The following MGMT variants were observed in gnomAD, a reference collection of about 807,000 sequenced individuals.
The protein encoded by MGMT is methylated-DNA--protein-cysteine methyltransferase.
A neutral mutation model predicts 15.9 loss-of-function variants in MGMT; 14 were observed. That is an observed-to-expected ratio of 0.88 (90% CI 0.58 to 1.37). MGMT has a LOEUF of 1.37. Ranked by LOEUF, MGMT falls within the 40% of genes most tolerant of loss-of-function variation. MGMT has a pLI of 0.00. For synonymous variants in MGMT, 130 were observed against 118.2 expected, an observed-to-expected ratio of 1.10 and a Z score of -0.65; for missense variants, 282 against 268.1, an observed-to-expected ratio of 1.05 and a Z score of -0.36.
At chr10:129,508,347 G>T (rs944765852) in intron 1 of MGMT, among the ~76,000 whole-genome samples, 2 of 152,124 alleles carry the variant, frequency 1.3e-5, no homozygotes, top group African/African-American at 4.8e-5. Flanking sequence ...AGGGGAAGGA[G>T]GAAGAGAGGA....
At chr10:129,564,540 A>ACTTCCTCAT (rs1250275166) in intron 2 of MGMT, among the ~76,000 whole-genome samples, 1 of 39,946 alleles carries the variant, frequency 2.5e-5, no homozygotes, top group African/African-American at 1.1e-4. Context: ...TTCCTCCTCC[A>ACTTCCTCAT]CTTCCTCATC....
chr10:129,498,531 CG>C (rs1260681805), intron 1 of MGMT, among the ~76,000 whole-genome samples: 1 of 152,170 alleles, frequency 6.6e-6, no homozygotes, highest in African/African-American at 2.4e-5. Flanking sequence ...TTCACATCAG[CG>C]TAGACTCATG....
intron 2 of MGMT, among the ~76,000 whole-genome samples, chr10:129,652,587 G>C (rs1006635793): frequency 6.6e-6 from 1 of 152,244 alleles, no homozygotes; most frequent in African/African-American, 2.4e-5. Context: ...TCGGCACTCA[G>C]AGTCCCCAGG....
chr10:129,640,813 C>T (rs2133089739), intron 2 of MGMT, among the ~76,000 whole-genome samples: 1 of 152,272 alleles, frequency 6.6e-6, no homozygotes, highest in East Asian at 1.9e-4. Flanking sequence ...TTCAGTATTT[C>T]ACAATTAATC....
intron 3 of MGMT, among the ~76,000 whole-genome samples, chr10:129,717,320 G>A (rs1284275606): frequency 6.6e-6 from 1 of 152,204 alleles, no homozygotes; most frequent in African/African-American, 2.4e-5. Flanking sequence ...GCTCTGAATA[G>A]CAGATCATCC....
chr10:129,629,264 T>C (rs1847184552), intron 2 of MGMT, among the ~76,000 whole-genome samples: 1 of 152,266 alleles, frequency 6.6e-6, no homozygotes, highest in Non-Finnish European at 1.5e-5. Flanking sequence ...CCCTTAGTAC[T>C]GCATGATTTC....
chr10:129,752,903 A>T (rs1175162045), intron 3 of MGMT, among the ~76,000 whole-genome samples: 1 of 152,166 alleles, frequency 6.6e-6, no homozygotes, highest in Non-Finnish European at 1.5e-5. Flanking sequence ...CTCTGCCTGC[A>T]TTCCTGATGT....
At chr10:129,467,351 G>A (rs1845180180) in intron 1 of MGMT, 55 bp downstream of exon 1, 14 of 1,493,204 alleles carry the variant, frequency 9.4e-6, no homozygotes, top group African/African-American at 1.4e-5. Flanking sequence ...CCCTCGGGAC[G>A]GTGGCAGCCT....
intron 2 of MGMT, among the ~76,000 whole-genome samples, chr10:129,646,754 A>ATATATATATATATATATTTTTTTTTT: frequency 6.9e-5 from 6 of 86,654 alleles, no homozygotes; most frequent in Non-Finnish European, 5.1e-5. Flanking sequence ...ATATATATAT[A>ATATATATATATATATATTTTTTTTTT]TTTTCAGGGA....
chr10:129,549,661 G>A (rs1443976717), intron 2 of MGMT, among the ~76,000 whole-genome samples: 1 of 152,142 alleles, frequency 6.6e-6, no homozygotes, highest in African/African-American at 2.4e-5. Context: ...GTGTTTGCAA[G>A]CTGGAACAGT....
chr10:129,638,429 C>CAAAA lies in MGMT; in HGVS notation c.126-69453_126-69450dup. Among the ~76,000 whole-genome samples the CAAAA allele has an allele frequency of 6.2e-3, 380 of 61,658 alleles. 7 individuals are homozygous for CAAAA. The highest frequency in any genetic ancestry group is 0.01 in the African/African-American group (193 of 19,030). 40.5% of individuals were successfully genotyped at this position (61,658 alleles called of 152,430 possible). A position where few individuals can be genotyped will look rare whatever the true frequency, so the allele number is the denominator to read the frequency against. On this transcript the variant is annotated intron_variant, in intron 2 of 4. Coordinates refer to ENST00000651593, the MANE Select transcript of MGMT (RefSeq NM_002412.5). ...GAAGTCCAAGAGAGGACCAAAGAGG[C>CAAAA]AAAAAAAAAAAAAAAAGAAAAAAAA...
intron 3 of MGMT, among the ~76,000 whole-genome samples, chr10:129,722,298 T>C (rs1848381403): frequency 6.6e-6 from 1 of 152,182 alleles, no homozygotes; most frequent in Non-Finnish European, 1.5e-5. Flanking sequence ...TATTTAACAT[T>C]AGCATTATTA....
chr10:129,586,417 A>G (rs939367201), intron 2 of MGMT, among the ~76,000 whole-genome samples: 2 of 152,172 alleles, frequency 1.3e-5, no homozygotes, highest in Non-Finnish European at 2.9e-5. Context: ...ATTTTCTAGA[A>G]TTTTGTGATG....
intron 2 of MGMT, among the ~76,000 whole-genome samples, chr10:129,539,836 G>A (rs939951996): frequency 6.6e-6 from 1 of 152,176 alleles, no homozygotes; most frequent in African/African-American, 2.4e-5. Flanking sequence ...GGTAATGTGA[G>A]TCCATGAATC....
chr10:129,744,667 G>A (rs1345926339), intron 3 of MGMT, among the ~76,000 whole-genome samples: 6 of 152,232 alleles, frequency 3.9e-5, no homozygotes, highest in Non-Finnish European at 8.8e-5. Flanking sequence ...GAGCCAGCCA[G>A]TGGGGCTGCA....
intron 2 of MGMT, among the ~76,000 whole-genome samples, chr10:129,627,183 A>G (rs75872035): frequency 0.026 from 3,911 of 152,278 alleles, 79 homozygotes; most frequent in South Asian, 0.06. Context: ...GTTGCTGAAG[A>G]TGGGTGTGCT....
intron 1 of MGMT, among the ~76,000 whole-genome samples, chr10:129,522,350 G>T (rs1845820663): frequency 6.6e-6 from 1 of 152,228 alleles, no homozygotes; most frequent in South Asian, 2.1e-4. Flanking sequence ...CAGGTGGCCA[G>T]AAGTGCCTGT....
At chr10:129,512,849 G>A (rs1229949967) in intron 1 of MGMT, among the ~76,000 whole-genome samples, 1 of 152,162 alleles carries the variant, frequency 6.6e-6, no homozygotes, top group Non-Finnish European at 1.5e-5. Context: ...GGAGGTTCCT[G>A]AAAACATGAA....
At chr10:129,586,772 G>C (rs1011082277) in intron 2 of MGMT, among the ~76,000 whole-genome samples, 1 of 152,112 alleles carries the variant, frequency 6.6e-6, no homozygotes, top group African/African-American at 2.4e-5. Context: ...ATGGGCAATG[G>C]GTGTTTAGCA....
Sources: allele counts gnomAD v4.1 joint callset (sites outside exome capture counted in the v4.1 genomes callset), GRCh38; gene constraint gnomAD v4.1.1; transcripts MANE v1.5; gene names NCBI Gene and HGNC (gene_info 2026-07-23, HGNC 2026-07-21).